CMYA5: variants seen among roughly 807,000 people sequenced by gnomAD.
The protein encoded by CMYA5 is cardiomyopathy associated 5.
CMYA5 carries 246 observed loss-of-function variants against 318.9 expected under a neutral mutation model. The observed-to-expected ratio is 0.77, with a 90% CI of 0.70 to 0.86. The LOEUF (loss-of-function observed/expected upper bound fraction) is 0.86, where lower values mean the gene tolerates loss of function less well. Among genes scored for constraint, CMYA5 ranks in the 40% least tolerant of loss-of-function variants. CMYA5 has a pLI of 0.00. For synonymous variants in CMYA5, 1,641 were observed against 1,729.5 expected (o/e 0.95, Z 1.27); for missense variants, 4,589 against 4,678.2 (o/e 0.98, Z 0.56).
chr5:79,744,019 C>T (rs1013845677), intron 3 of CMYA5, 97 bp downstream of exon 3: 7 of 583,654 alleles, frequency 1.2e-5, no homozygotes, highest in African/African-American at 5.8e-5. Context: ...GGATTTTATG[C>T]GCATGTGTTG....
rs748980464 is a variant in CMYA5, at chr5:79,737,224, T to G, written c.8459T>G (p.Leu2820Arg). 1 of 1,613,706 alleles carries G rather than the reference T, an allele frequency of 6.2e-7. No homozygotes were observed. The highest frequency in any genetic ancestry group is 1.7e-5 in the Admixed American group (1 of 59,938). ...YLLSPVKPQTLASGASPEINA... is the reference protein window; with the variant it reads ...YLLSPVKPQTRASGASPEINA... ...CTGTCACCTGTAAAACCACAAACTCTTGCTTCAGGAGCTTCTCCAGAAATT... is the reference window on the plus strand; with the variant it reads ...CTGTCACCTGTAAAACCACAAACTCGTGCTTCAGGAGCTTCTCCAGAAATT... Residue 2820 changes from leucine to arginine, a missense_variant, in exon 2 of 13, where the codon CTT becomes CGT. By Grantham distance (102) the Leu-to-Arg change is moderately radical (BLOSUM62 -2). Transcript: ENST00000446378.
Position 79,729,453 on chromosome 5 carries a change from A to G in CMYA5, c.688A>G (p.Lys230Glu), listed in dbSNP as rs114327893. ...VYIGTVQYKI[K>E]MFNSVKEELI... Reference sequence around the variant, plus strand: ...CATAGGAACAGTACAATATAAAATTAAGATGTTTAATTCGGTTAAAGAAGA... The same window carrying G: ...CATAGGAACAGTACAATATAAAATTGAGATGTTTAATTCGGTTAAAGAAGA... The change falls in exon 2 of 13, where the codon AAG (lysine) becomes GAG (glutamate). Residue 230 changes from lysine to glutamate, a missense_variant. Coordinates refer to ENST00000446378, the MANE Select transcript of CMYA5 (RefSeq NM_153610.5). The G allele has an allele frequency of 7.4e-6, 12 of 1,612,434 alleles. No individual in the cohort carries two copies. The African/African-American group carries it at 1.1e-4, about 14-fold the overall frequency.
intron 1 of CMYA5, among the ~76,000 whole-genome samples, chr5:79,707,365 C>T (rs1469322431): frequency 1.3e-5 from 2 of 152,114 alleles, no homozygotes; most frequent in Non-Finnish European, 2.9e-5. Context: ...ACACATAATA[C>T]ACACTCAAAG....
At chr5:79,763,478 T>G (rs184900125) in intron 9 of CMYA5, 13 of 392,008 alleles carry the variant, frequency 3.3e-5, no homozygotes, top group Admixed American at 1.7e-4. Flanking sequence ...TGAGGTATAT[T>G]TAACTTCAGT....
intron 6 of CMYA5, among the ~76,000 whole-genome samples, chr5:79,753,417 C>T (rs950638172): frequency 4.6e-5 from 7 of 152,132 alleles, no homozygotes; most frequent in African/African-American, 1.7e-4. Context: ...AGTGAAGTTA[C>T]CAAGTTTTTC....
chr5:79,708,592 T>C (rs1827320407), intron 1 of CMYA5, among the ~76,000 whole-genome samples: 1 of 151,374 alleles, frequency 6.6e-6, no homozygotes, highest in South Asian at 2.1e-4. Context: ...GCCACTGCAC[T>C]CCAGCCTGGG....
chr5:79,786,674 G>A (rs1217112506), intron 9 of CMYA5, among the ~76,000 whole-genome samples: 1 of 152,168 alleles, frequency 6.6e-6, no homozygotes, highest in Non-Finnish European at 1.5e-5. Context: ...TCAAATTCCA[G>A]AATTTTTGAA....
At position 79,737,763 on chromosome 5, in the gene CMYA5, T is replaced by A. The variant is rs748452754; in HGVS notation, c.8998T>A (p.Cys3000Ser). ...CCCTGATGATAGTGAAACAGTTGCT[T>A]GTCATAAAACATTAAAGAGCAGGTT... The part of the protein sequence containing the change: ...PLPDDSETVA[C>S]HKTLKSRLED... The change falls in exon 2 of 13, where the codon TGT becomes AGT. Residue 3000 changes from cysteine (C) to serine (S), a missense_variant. By Grantham distance (112) the Cys-to-Ser change is moderately radical. Transcript: ENST00000446378. 1 of 1,611,444 alleles carries A rather than the reference T, an allele frequency of 6.2e-7. No individual in the cohort carries two copies.
intron 8 of CMYA5, 93 bp from the exon 9 acceptor site, chr5:79,762,969 A>T: frequency 2.9e-6 from 4 of 1,401,508 alleles, no homozygotes; most frequent in Non-Finnish European, 3.9e-6. Flanking sequence ...TGAAAACAGA[A>T]TCATGCCGAA....
intron 1 of CMYA5, 142 bp downstream of exon 1, chr5:79,690,198 A>C: frequency 8.0e-7 from 1 of 1,253,978 alleles, no homozygotes; most frequent in Non-Finnish European, 1.0e-6. Context: ...CGTTTAAAAG[A>C]ACTTGAAGGT....
rs182149403 is a variant in CMYA5 at position 79,771,058 on chromosome 5, A to G, written c.11555+7849A>G. On this transcript the variant is annotated intron_variant, in intron 9 of 12. Transcript: ENST00000446378. ...TAGAGGTGAACTCTGGCCAAAACAG[A>G]GGGAGAGAGGAAAAAAAAAAAAAAA... Among the ~76,000 whole-genome samples the G allele has an allele frequency of 4.0e-3, 585 of 145,398 alleles. 1 individual carries two copies. Among genetic ancestry groups the G allele is most frequent in the African/African-American group, 0.014 (562 of 39,354 alleles).
intron 1 of CMYA5, among the ~76,000 whole-genome samples, chr5:79,727,705 A>G (rs1265889299): frequency 6.6e-6 from 1 of 152,222 alleles, no homozygotes; most frequent in African/African-American, 2.4e-5. Context: ...CAGTTGCAGA[A>G]GTGGAGTATT....
At chr5:79,767,677 A>G (rs556603156) in intron 9 of CMYA5, among the ~76,000 whole-genome samples, 19 of 152,210 alleles carry the variant, frequency 1.2e-4, no homozygotes, top group Non-Finnish European at 2.2e-4. Flanking sequence ...ACTGTTTGTT[A>G]TGATTTCCAT....
In CMYA5 at chr5:79,734,052, A is replaced by T; in HGVS notation, c.5287A>T (p.Lys1763Ter). 2 of 1,613,866 alleles carry T rather than the reference A, an allele frequency of 1.2e-6. No individual in the cohort carries two copies. Among genetic ancestry groups the T allele is most frequent in the Non-Finnish European group, 1.7e-6 (2 of 1,179,842 alleles). Reference sequence around the variant, plus strand: ...GGTTAGCCATCCAGCCGACTTTAAAAAGGGAGGAAATCAAGAAATAGGCCC... The same window carrying T: ...GGTTAGCCATCCAGCCGACTTTAAATAGGGAGGAAATCAAGAAATAGGCCC... ...EEVSHPADFK[K>*]GGNQEIGPLP... is the part of the protein sequence containing the mutation. Residue 1763 changes from lysine to a stop codon, truncating the protein, a stop_gained, in exon 2 of 13, where the codon AAG (lysine) becomes TAG (stop). Transcript: ENST00000446378. LOFTEE classifies it high-confidence loss of function.
intron 1 of CMYA5, among the ~76,000 whole-genome samples, chr5:79,694,355 G>A (rs1375829687): frequency 6.6e-6 from 1 of 152,140 alleles, no homozygotes; most frequent in Admixed American, 6.5e-5. Context: ...CCAAACTCAT[G>A]GTTTCCTGTA....
At chr5:79,723,829 A>G (rs1827693986) in intron 1 of CMYA5, among the ~76,000 whole-genome samples, 1 of 152,114 alleles carries the variant, frequency 6.6e-6, no homozygotes, top group Admixed American at 6.5e-5. Context: ...ACTCATTAAC[A>G]TGGGAGAAAA....
In CMYA5 at chr5:79,689,856, G is replaced by T; in HGVS notation, c.-52G>T. The T allele has an allele frequency of 3.1e-6, 2 of 641,708 alleles. No individual in the cohort carries two copies. Among genetic ancestry groups the T allele is most frequent in the Non-Finnish European group, 5.6e-6 (2 of 357,298 alleles). 39.8% of individuals were successfully genotyped at this position (641,708 alleles called of 1,614,324 possible). On this transcript the variant is annotated 5_prime_UTR_variant, in exon 1 of 13. Transcript: ENST00000446378. Reference sequence around the variant, plus strand: ...AGAGCAGTCGGAGGGAGAACACCAGGCGCGGCGCGGGCGGCTCCGGCTCCG... The same window carrying T: ...AGAGCAGTCGGAGGGAGAACACCAGTCGCGGCGCGGGCGGCTCCGGCTCCG...
At chr5:79,743,110 A>G (rs1349236131) in intron 2 of CMYA5, among the ~76,000 whole-genome samples, 16 of 152,204 alleles carry the variant, frequency 1.1e-4, no homozygotes, top group Admixed American at 9.8e-4. Flanking sequence ...GGCCTCCATC[A>G]ATGTTGTATC....
chr5:79,727,168 G>T (rs111586318), intron 1 of CMYA5, among the ~76,000 whole-genome samples: 1 of 151,952 alleles, frequency 6.6e-6, no homozygotes, highest in African/African-American at 2.4e-5. Flanking sequence ...CACCCGCCTC[G>T]GCCTCCCAAA....
Sources: allele counts gnomAD v4.1 joint callset (sites outside exome capture counted in the v4.1 genomes callset), GRCh38; gene constraint gnomAD v4.1.1; transcripts MANE v1.5; gene names NCBI Gene and HGNC (gene_info 2026-07-23, HGNC 2026-07-21).